The following XXYLT1 variants were observed in gnomAD, a reference collection of about 807,000 sequenced individuals.
XXYLT1 encodes UDP-xylose:alpha-xyloside alpha-1,3-xylosyltransferase.
A neutral mutation model predicts 28.9 loss-of-function variants in XXYLT1; 20 were observed. The ratio of observed to expected loss-of-function variants is 0.69; its 90% CI spans 0.49 to 1.00. The LOEUF (loss-of-function observed/expected upper bound fraction) is 1.00. Ranked by LOEUF, XXYLT1 falls within the 50% of genes least tolerant of loss-of-function variation. The pLI is 0.00. For synonymous variants in XXYLT1, 257 were observed against 253.8 expected, an observed-to-expected ratio of 1.01 and a Z score of -0.12; for missense variants, 542 against 560.1, an observed-to-expected ratio of 0.97 and a Z score of 0.33.
At chr3:195,085,775 G>A (rs1715692575) in intron 3 of XXYLT1, 1 of 152,706 alleles carries the variant, frequency 6.5e-6, no homozygotes, top group Admixed American at 6.5e-5. Flanking sequence ...TTCGACTGTG[G>A]TGACAGAGCC....
intron 2 of XXYLT1, among the ~76,000 whole-genome samples, chr3:195,165,249 C>A (rs1721059651): frequency 6.6e-6 from 1 of 152,144 alleles, no homozygotes; most frequent in Admixed American, 6.5e-5. Flanking sequence ...CTCCAGCCTC[C>A]TACCATCCTC....
chr3:195,175,402 G>C (rs182956057), intron 2 of XXYLT1, among the ~76,000 whole-genome samples: 1 of 152,232 alleles, frequency 6.6e-6, no homozygotes, highest in Admixed American at 6.5e-5. Context: ...CAGAAGGGAA[G>C]TCTAAGACCA....
chr3:195,132,878 G>C (rs1560111367), intron 3 of XXYLT1, among the ~76,000 whole-genome samples: 1 of 152,246 alleles, frequency 6.6e-6, no homozygotes, highest in Non-Finnish European at 1.5e-5. Context: ...TTTTACCAAT[G>C]AAGAAAGTGA....
intron 1 of XXYLT1, among the ~76,000 whole-genome samples, chr3:195,265,086 A>G (rs1725802801): frequency 6.6e-6 from 1 of 151,970 alleles, no homozygotes; most frequent in Admixed American, 6.6e-5. Flanking sequence ...AGTAAAAGAA[A>G]AGGCCAGGCA....
intron 1 of XXYLT1, among the ~76,000 whole-genome samples, chr3:195,242,531 C>CAAGAAAGAAGG (rs1194785927): frequency 2.6e-5 from 4 of 151,956 alleles, no homozygotes; most frequent in African/African-American, 9.7e-5. Context: ...GTTTAATAGG[C>CAAGAAAGAAGG]AAGAAAGAAG....
At chr3:195,132,422 G>A (rs564483297) in intron 3 of XXYLT1, among the ~76,000 whole-genome samples, 10 of 150,500 alleles carry the variant, frequency 6.6e-5, no homozygotes, top group Admixed American at 2.7e-4. Context: ...AGCCAAGATC[G>A]CACCACTGCA....
chr3:195,253,007 C>T lies in XXYLT1; in HGVS notation c.504+17548G>A, dbSNP rs180803563. Among the ~76,000 whole-genome samples, 253 of 152,228 alleles carry T rather than the reference C, an allele frequency of 1.7e-3. 1 individual carries two copies. The highest frequency in any genetic ancestry group is 5.9e-3 in the African/African-American group (247 of 41,528). ...TGCAAGAAACAAGGGCTCAAGGGAA[C>T]GTGGGAAAATGAAGACGGTTTGTTG... On this transcript the variant is annotated intron_variant, in intron 1 of 3. Coordinates refer to ENST00000310380, the MANE Select transcript of XXYLT1 (RefSeq NM_152531.5).
At chr3:195,186,273 A>C (rs1722193050) in intron 2 of XXYLT1, among the ~76,000 whole-genome samples, 1 of 152,172 alleles carries the variant, frequency 6.6e-6, no homozygotes, top group South Asian at 2.1e-4. Flanking sequence ...GGTCCATCCC[A>C]CAGAAGAACG....
intron 1 of XXYLT1, among the ~76,000 whole-genome samples, chr3:195,238,893 G>A (rs1724664183): frequency 1.3e-5 from 2 of 152,226 alleles, no homozygotes; most frequent in Non-Finnish European, 2.9e-5. Context: ...GGAAGAGAAA[G>A]AACGGATCTG....
Position 195,271,128 on chromosome 3 carries a change from G to A in XXYLT1, c.-70C>T. 2.4e-6 allele frequency: 3 copies of A among 1,270,978 alleles called. No homozygotes were observed. Among genetic ancestry groups the A allele is most frequent in the East Asian group, 6.5e-5 (2 of 30,850 alleles). The allele number at this position is 1,270,978 out of a possible 1,614,324, so 78.7% of individuals were successfully genotyped here. On this transcript the variant is annotated 5_prime_UTR_variant, in exon 1 of 4. Transcript: ENST00000310380. ...GCCCTCGGGTACCCGGACGCCGGCG[G>A]CCACTTAGCCCCGGCGCCAGGCGGC...
chr3:195,228,812 T>G (rs1012961090), intron 1 of XXYLT1, among the ~76,000 whole-genome samples: 2 of 147,878 alleles, frequency 1.4e-5, no homozygotes, highest in African/African-American at 5.3e-5. Context: ...CTTCTATATG[T>G]ATCTCTTTTT....
chr3:195,178,241 C>T (rs1334521867), intron 2 of XXYLT1, among the ~76,000 whole-genome samples: 3 of 152,094 alleles, frequency 2.0e-5, no homozygotes, highest in Admixed American at 6.5e-5. Context: ...CGCTTGGCTG[C>T]AGCAGAAGGT....
intron 1 of XXYLT1, among the ~76,000 whole-genome samples, chr3:195,266,449 G>A (rs112583528): frequency 0.028 from 4,263 of 151,392 alleles, 138 homozygotes; most frequent in East Asian, 0.11. Context: ...AGCCGAGACC[G>A]CACCACAGCA....
rs1721130490 is a variant in XXYLT1 at position 195,166,545 on chromosome 3, T to A, written c.653-9964A>T. Among the ~76,000 whole-genome samples, 2 of 152,324 alleles carry A rather than the reference T, an allele frequency of 1.3e-5. 1 individual carries two copies. Among genetic ancestry groups the A allele is most frequent in the South Asian group, 4.1e-4 (2 of 4,828 alleles). ...ACAGTCCCATTCAAAATGTGTCAGT[T>A]GTCCAAAAACAAAAACACAGTTCCT... On this transcript the variant is annotated intron_variant, in intron 2 of 3. Transcript: ENST00000310380.
chr3:195,112,586 C>G (rs528691579), intron 3 of XXYLT1, among the ~76,000 whole-genome samples: 2 of 127,842 alleles, frequency 1.6e-5, no homozygotes, highest in African/African-American at 3.1e-5. Flanking sequence ...CACGCACGCA[C>G]ACACACACAC....
At chr3:195,139,417 G>C (rs1400526185) in intron 3 of XXYLT1, among the ~76,000 whole-genome samples, 2 of 152,212 alleles carry the variant, frequency 1.3e-5, no homozygotes, top group Non-Finnish European at 2.9e-5. Context: ...AAGGACATAA[G>C]GCCTGCTGCT....
chr3:195,112,434 A>G lies in XXYLT1; in HGVS notation c.786-42323T>C, dbSNP rs565824187. Among the ~76,000 whole-genome samples, 931 of 150,358 alleles carry G rather than the reference A, an allele frequency of 6.2e-3. 6 individuals are homozygous for G. The highest frequency in any genetic ancestry group is 0.011 in the Non-Finnish European group (737 of 67,486). On this transcript the variant is annotated intron_variant, in intron 3 of 3. Transcript: ENST00000310380. The stretch of plus-strand genomic sequence containing the variant: ...TGCGCGCACACACACACATGCACAC[A>G]CACGCACGCACACCCACACGCATGT...
intron 2 of XXYLT1, among the ~76,000 whole-genome samples, chr3:195,181,103 A>G (rs894563930): frequency 6.0e-4 from 91 of 152,238 alleles, no homozygotes; most frequent in Non-Finnish European, 4.0e-4. Context: ...TGTTCTAAAA[A>G]GAGAAATAAA....
intron 3 of XXYLT1, among the ~76,000 whole-genome samples, chr3:195,148,656 G>A (rs974695444): frequency 6.6e-6 from 1 of 152,146 alleles, no homozygotes; most frequent in East Asian, 1.9e-4. Context: ...CAGACGTGAC[G>A]GTCACGCTAA....
Sources: gnomAD v4.1 joint callset for allele counts (sites outside exome capture counted in the v4.1 genomes callset) on GRCh38, gnomAD v4.1.1 for gene constraint, MANE v1.5 for transcripts, NCBI Gene and HGNC (gene_info 2026-07-23, HGNC 2026-07-21) for gene names.